The following COMMD10 variants were observed in gnomAD, a reference collection of about 807,000 sequenced individuals.
COMMD10 encodes the protein COMM domain-containing protein 10.
A neutral mutation model predicts 28.9 loss-of-function variants in COMMD10; 33 were observed. The ratio of observed to expected loss-of-function variants is 1.14; its 90% confidence interval spans 0.87 to 1.53. COMMD10 has a LOEUF of 1.53. COMMD10 is among the 40% of genes most tolerant of loss of function. The pLI is 0.00. For missense variants in COMMD10, 310 were observed against 233.4 expected, an observed-to-expected ratio of 1.33 and a Z score of -2.14; for synonymous variants, 110 against 81.7, an observed-to-expected ratio of 1.35 and a Z score of -1.87.
intron 5 of COMMD10, among the ~76,000 whole-genome samples, chr5:116,220,910 C>T (rs1749232689): frequency 6.6e-6 from 1 of 152,064 alleles, no homozygotes; most frequent in African/African-American, 2.4e-5. Context: ...AAGCTTGCAG[C>T]ACATTCAGCG....
At chr5:116,109,915 G>A (rs1750987032) in intron 4 of COMMD10, among the ~76,000 whole-genome samples, 3 of 152,198 alleles carry the variant, frequency 2.0e-5, no homozygotes, top group South Asian at 2.1e-4. Context: ...ATGTTAAATA[G>A]GAGTAGTGAA....
chr5:116,244,804 C>T (rs138300429), intron 5 of COMMD10, among the ~76,000 whole-genome samples: 11 of 151,656 alleles, frequency 7.3e-5, no homozygotes, highest in East Asian at 1.9e-4. Flanking sequence ...TACAAAATAC[C>T]GGAATCTATG....
chr5:116,225,561 G>C (rs1749373741), intron 5 of COMMD10, among the ~76,000 whole-genome samples: 1 of 151,918 alleles, frequency 6.6e-6, no homozygotes, highest in African/African-American at 2.4e-5. Context: ...TGCTTTGTTA[G>C]CCTGAACACC....
intron 5 of COMMD10, among the ~76,000 whole-genome samples, chr5:116,173,155 G>C (rs183563401): frequency 3.9e-5 from 6 of 152,152 alleles, no homozygotes; most frequent in Non-Finnish European, 7.4e-5. Flanking sequence ...TCTAACAGCT[G>C]CCTGTTGTTT....
intron 5 of COMMD10, among the ~76,000 whole-genome samples, chr5:116,282,707 G>T (rs573372706): frequency 6.6e-6 from 1 of 151,976 alleles, no homozygotes; most frequent in South Asian, 2.1e-4. Context: ...TTTCTCTGGT[G>T]TCTTTGCATG....
At chr5:116,259,781 T>C (rs1750391134) in intron 5 of COMMD10, among the ~76,000 whole-genome samples, 1 of 151,806 alleles carries the variant, frequency 6.6e-6, no homozygotes, top group African/African-American at 2.4e-5. Flanking sequence ...ATAAATTGGC[T>C]GCTACCTTGT....
chr5:116,245,881 C>G lies in COMMD10; in HGVS notation c.511-45636C>G, dbSNP rs542769616. On this transcript the variant is annotated intron_variant, in intron 5 of 6. Transcript: ENST00000274458. Reference sequence around the variant, plus strand: ...TGACAAACCCACAGCCAACATCATACTGAATGAGCAAAAGCTGGAAGCATT... The same window carrying G: ...TGACAAACCCACAGCCAACATCATAGTGAATGAGCAAAAGCTGGAAGCATT... Among the ~76,000 whole-genome samples, 7 of 152,204 alleles carry G rather than the reference C, an allele frequency of 4.6e-5. No individual in the cohort carries two copies. The East Asian group carries it at 1.4e-3, about 29-fold the overall frequency.
At chr5:116,186,187 ACT>A (rs1748130829) in intron 5 of COMMD10, among the ~76,000 whole-genome samples, 1 of 152,056 alleles carries the variant, frequency 6.6e-6, no homozygotes, top group Non-Finnish European at 1.5e-5. Context: ...TTCAGCTGCA[ACT>A]CTGTTTCTCA....
At chr5:116,238,012 T>C (rs1383807630) in intron 5 of COMMD10, among the ~76,000 whole-genome samples, 1 of 152,212 alleles carries the variant, frequency 6.6e-6, no homozygotes, top group East Asian at 1.9e-4. Flanking sequence ...TACAGTATTT[T>C]GTTTTGAATA....
intron 5 of COMMD10, among the ~76,000 whole-genome samples, chr5:116,255,578 C>T (rs993886611): frequency 6.6e-6 from 1 of 151,496 alleles, no homozygotes; most frequent in Non-Finnish European, 1.5e-5. Context: ...GCAGAAACTA[C>T]TTTTACCTCT....
At chr5:116,129,288 G>A (rs6881750) in intron 4 of COMMD10, among the ~76,000 whole-genome samples, 121,793 of 148,400 alleles carry the variant, frequency 0.82, 50,113 homozygotes, top group African/African-American at 0.84. Flanking sequence ...GGTAATAAGC[G>A]TTACCTGTCT....
intron 5 of COMMD10, among the ~76,000 whole-genome samples, chr5:116,157,832 C>G (rs1028252047): frequency 3.9e-5 from 6 of 152,046 alleles, no homozygotes; most frequent in African/African-American, 1.2e-4. Context: ...TACATCATGT[C>G]CAGAACTGCT....
intron 5 of COMMD10, among the ~76,000 whole-genome samples, chr5:116,266,062 T>C (rs1750577683): frequency 6.6e-6 from 1 of 151,666 alleles, no homozygotes; most frequent in East Asian, 1.9e-4. Flanking sequence ...GAAGGCCTCC[T>C]GGAAGAAGTG....
Position 116,272,778 on chromosome 5 carries a change from T to G in COMMD10, c.511-18739T>G, listed in dbSNP as rs80125104. Among the ~76,000 whole-genome samples the G allele has an allele frequency of 1.8e-3, 270 of 151,986 alleles. 7 individuals are homozygous for G. Among genetic ancestry groups the G allele is most frequent in the African/African-American group, 6.4e-3 (264 of 41,308 alleles). ...TTTGGCATCCATCTAGTGGACAGTT[T>G]GCTGAACTTATTTCTCAATCACAAT... On this transcript the variant is annotated intron_variant, in intron 5 of 6. Transcript: ENST00000274458.
intron 5 of COMMD10, among the ~76,000 whole-genome samples, chr5:116,205,404 A>C: frequency 6.6e-6 from 1 of 152,196 alleles, no homozygotes; most frequent in African/African-American, 2.4e-5. Context: ...CTGAATTTTT[A>C]CCATCTTCTG....
At chr5:116,126,342 A>G (rs1318604278) in intron 4 of COMMD10, among the ~76,000 whole-genome samples, 3 of 152,212 alleles carry the variant, frequency 2.0e-5, no homozygotes, top group African/African-American at 4.8e-5. Flanking sequence ...GAAAATGGCC[A>G]TACTGCCCAA....
At chr5:116,158,868 CCT>C (rs1332812013) in intron 5 of COMMD10, among the ~76,000 whole-genome samples, 1 of 151,072 alleles carries the variant, frequency 6.6e-6, no homozygotes, top group Admixed American at 6.6e-5. Flanking sequence ...TTTTTCCCCC[CCT>C]GAGGTCAGAC....
intron 5 of COMMD10, among the ~76,000 whole-genome samples, chr5:116,186,415 T>C (rs1327065309): frequency 6.6e-6 from 1 of 152,150 alleles, no homozygotes; most frequent in Non-Finnish European, 1.5e-5. Context: ...TTTTTTCATT[T>C]CATGAAATAC....
At chr5:116,212,417 T>C (rs944012125) in intron 5 of COMMD10, among the ~76,000 whole-genome samples, 12 of 151,382 alleles carry the variant, frequency 7.9e-5, no homozygotes, top group African/African-American at 2.2e-4. Context: ...TTGCAGAGGA[T>C]TGGGGCTTTT....
Sources: allele counts gnomAD v4.1 joint callset (sites outside exome capture counted in the v4.1 genomes callset), GRCh38; gene constraint gnomAD v4.1.1; transcripts MANE v1.5; gene names NCBI Gene and HGNC (gene_info 2026-07-23, HGNC 2026-07-21).